Variants in PEX5L observed in about 807,000 individuals in gnomAD.
PEX5L encodes PEX5-related protein.
In PEX5L, 30 loss-of-function variants were observed where a neutral mutation model predicts 84.0. That is an observed-to-expected ratio of 0.36 (90% CI 0.27 to 0.48). The LOEUF (loss-of-function observed/expected upper bound fraction) is 0.48. Ranked by LOEUF, PEX5L falls within the 20% of genes least tolerant of loss-of-function variation. The probability of loss-of-function intolerance (pLI) is 0.99; values close to 1 mark genes in which losing one functional copy is unlikely to be tolerated. For synonymous variants in PEX5L, 270 were observed against 283.1 expected (o/e 0.95, Z 0.46); for missense variants, 533 against 754.6 (o/e 0.71, Z 3.44).
chr3:179,829,943 ATT>A (rs11352022), intron 8 of PEX5L, among the ~76,000 whole-genome samples: 4,080 of 83,534 alleles, frequency 0.049, 39 homozygotes, highest in African/African-American at 0.11. Context: ...GGCCTGGCTA[ATT>A]TTTTTTTTTT....
intron 7 of PEX5L, among the ~76,000 whole-genome samples, chr3:179,860,432 C>T (rs868508564): frequency 4.6e-5 from 7 of 152,188 alleles, no homozygotes; most frequent in African/African-American, 1.7e-4. Context: ...CCTGGCTTTC[C>T]GTGGGAATTA....
At chr3:180,015,904 A>G (rs1789906341) in intron 1 of PEX5L, among the ~76,000 whole-genome samples, 2 of 131,826 alleles carry the variant, frequency 1.5e-5, no homozygotes, top group African/African-American at 6.5e-5. Flanking sequence ...TATATAATGT[A>G]TAATAAATAA....
chr3:179,925,155 G>C (rs576124994), intron 2 of PEX5L, among the ~76,000 whole-genome samples: 8 of 152,284 alleles, frequency 5.3e-5, no homozygotes, highest in African/African-American at 1.9e-4. Flanking sequence ...GCAGCACAGT[G>C]TGTTTTCAGT....
At chr3:179,933,712 T>A (rs1773768479) in intron 2 of PEX5L, among the ~76,000 whole-genome samples, 1 of 152,212 alleles carries the variant, frequency 6.6e-6, no homozygotes, top group South Asian at 2.1e-4. Context: ...AGGCAGGAGC[T>A]CCATTAACAT....
chr3:180,002,644 C>A (rs1041992272), intron 1 of PEX5L, among the ~76,000 whole-genome samples: 2 of 151,940 alleles, frequency 1.3e-5, no homozygotes, highest in African/African-American at 4.8e-5. Context: ...AAATATTTGT[C>A]CAAACCTGTA....
chr3:179,853,731 GGTA>G (rs574378098), intron 8 of PEX5L, among the ~76,000 whole-genome samples: 104 of 152,000 alleles, frequency 6.8e-4, no homozygotes, highest in African/African-American at 2.4e-3. Context: ...CAATACTTTA[GGTA>G]GAGACAATTT....
chr3:179,832,255 G>C (rs1272984467), intron 8 of PEX5L, among the ~76,000 whole-genome samples: 1 of 151,582 alleles, frequency 6.6e-6, no homozygotes, highest in African/African-American at 2.4e-5. Context: ...GAGAGAGACA[G>C]AGAGAGAGAG....
At chr3:179,840,351 G>A (rs1039603721) in intron 8 of PEX5L, among the ~76,000 whole-genome samples, 15 of 151,828 alleles carry the variant, frequency 9.9e-5, no homozygotes, top group African/African-American at 3.6e-4. Context: ...ACCATGCCTA[G>A]CTAATTTTTG....
At chr3:179,952,561 T>C (rs1264498008) in intron 2 of PEX5L, among the ~76,000 whole-genome samples, 1 of 152,154 alleles carries the variant, frequency 6.6e-6, no homozygotes, top group Non-Finnish European at 1.5e-5. Flanking sequence ...TGATCTCCTC[T>C]TTAGGGAGAA....
At chr3:180,018,170 T>C (rs1790100411) in intron 1 of PEX5L, among the ~76,000 whole-genome samples, 1 of 152,242 alleles carries the variant, frequency 6.6e-6, no homozygotes, top group Non-Finnish European at 1.5e-5. Flanking sequence ...GTTCCTCATC[T>C]ATTAATATAT....
chr3:179,912,390 TAAAA>T lies in PEX5L; in HGVS notation c.94-14148_94-14145del, dbSNP rs1232305075. Among the ~76,000 whole-genome samples, 3 of 152,236 alleles carry T rather than the reference TAAAA, an allele frequency of 2.0e-5. No individual in the cohort carries two copies. In the East Asian group the frequency reaches 5.8e-4, roughly 29 times the overall value. On this transcript the variant is annotated intron_variant, in intron 2 of 14. Transcript: ENST00000467460. ...AATTATGGCCTTTTGGGTCCAAAGA[TAAAA>T]GCAACTACATGATACTGATGTTTTA...
chr3:179,819,078 G>C, intron 9 of PEX5L, among the ~76,000 whole-genome samples: 1 of 151,208 alleles, frequency 6.6e-6, no homozygotes. Context: ...CTGTTGTTCA[G>C]GCTCACATTG....
chr3:179,959,969 A>T (rs1035594087), intron 2 of PEX5L, among the ~76,000 whole-genome samples: 2 of 152,244 alleles, frequency 1.3e-5, no homozygotes, highest in African/African-American at 4.8e-5. Context: ...AAATTTCTCC[A>T]AGTAATAGAG....
chr3:179,896,603 A>G (rs1379780637), intron 3 of PEX5L, among the ~76,000 whole-genome samples: 3 of 152,146 alleles, frequency 2.0e-5, no homozygotes, highest in Non-Finnish European at 2.9e-5. Flanking sequence ...AGTACACAGC[A>G]ATGCGTGATT....
intron 1 of PEX5L, among the ~76,000 whole-genome samples, chr3:180,026,339 T>C (rs763721032): frequency 3.9e-5 from 6 of 152,074 alleles, no homozygotes; most frequent in Non-Finnish European, 7.3e-5. Flanking sequence ...CTTACATAAA[T>C]CTTCCTAAAG....
At chr3:179,817,157 TTGGG>T (rs1312522280) in intron 9 of PEX5L, among the ~76,000 whole-genome samples, 11 of 152,242 alleles carry the variant, frequency 7.2e-5, no homozygotes, top group Admixed American at 1.3e-4. Context: ...TTTTTGCCTG[TTGGG>T]GGCTATATTG....
intron 2 of PEX5L, among the ~76,000 whole-genome samples, chr3:179,940,012 G>C (rs73883404): frequency 0.018 from 2,696 of 152,260 alleles, 64 homozygotes; most frequent in African/African-American, 0.061. Context: ...TGACATAGGG[G>C]CTCCTCAGCA....
intron 2 of PEX5L, among the ~76,000 whole-genome samples, chr3:179,918,887 A>G (rs1237615085): frequency 6.6e-6 from 1 of 152,210 alleles, no homozygotes; most frequent in Non-Finnish European, 1.5e-5. Context: ...CAGACAGCAG[A>G]GAATAAAAGA....
At chr3:179,902,996 T>C (rs138809854) in intron 2 of PEX5L, among the ~76,000 whole-genome samples, 68 of 152,206 alleles carry the variant, frequency 4.5e-4, no homozygotes, top group African/African-American at 1.5e-3. Flanking sequence ...TTGCCAAAAA[T>C]TGATAAAAAA....
Sources: allele counts gnomAD v4.1 joint callset (sites outside exome capture counted in the v4.1 genomes callset), GRCh38; gene constraint gnomAD v4.1.1; transcripts MANE v1.5; gene names NCBI Gene and HGNC (gene_info 2026-07-23, HGNC 2026-07-21).